The following MGMT variants were observed in gnomAD, a reference collection of about 807,000 sequenced individuals.
The protein encoded by MGMT is O-6-methylguanine-DNA methyltransferase, also known as methylated-DNA--protein-cysteine methyltransferase.
In MGMT, 14 loss-of-function variants were observed where a neutral mutation model predicts 15.9. That is an observed-to-expected ratio of 0.88 (90% CI 0.58 to 1.37). The LOEUF (loss-of-function observed/expected upper bound fraction) is 1.37, where lower values mean the gene tolerates loss of function less well. Among genes scored for constraint, MGMT ranks in the 40% most tolerant of loss-of-function variants. The pLI is 0.00. For synonymous variants in MGMT, 130 were observed against 118.2 expected (o/e 1.10, Z -0.65); for missense variants, 282 against 268.1 (o/e 1.05, Z -0.36).
At chr10:129,536,719 G>T (rs971029119) in intron 2 of MGMT, 7 of 178,500 alleles carry the variant, frequency 3.9e-5, no homozygotes, top group Non-Finnish European at 8.1e-5. Flanking sequence ...TATGTCTCTG[G>T]AAATTTAGAG....
chr10:129,594,983 G>A (rs1259148154), intron 2 of MGMT, among the ~76,000 whole-genome samples: 3 of 152,168 alleles, frequency 2.0e-5, no homozygotes, highest in African/African-American at 2.4e-5. Flanking sequence ...GAGGGGAGCC[G>A]GAGCAGCGCC....
At chr10:129,731,079 A>T (rs1388891225) in intron 3 of MGMT, among the ~76,000 whole-genome samples, 2 of 152,136 alleles carry the variant, frequency 1.3e-5, no homozygotes, top group African/African-American at 4.8e-5. Context: ...AGCCAGGAGG[A>T]AGGTCCATTT....
intron 3 of MGMT, among the ~76,000 whole-genome samples, chr10:129,738,765 A>G (rs1022715017): frequency 6.6e-6 from 1 of 152,198 alleles, no homozygotes; most frequent in Non-Finnish European, 1.5e-5. Flanking sequence ...AACTATTCCA[A>G]TGAATAGAAA....
At chr10:129,528,127 T>G (rs1204189705) in intron 1 of MGMT, among the ~76,000 whole-genome samples, 2 of 152,168 alleles carry the variant, frequency 1.3e-5, no homozygotes, top group African/African-American at 4.8e-5. Flanking sequence ...GATATTTTGT[T>G]CAACATATAT....
In MGMT at chr10:129,642,309, TG is replaced by T. The variant is rs548879966; in HGVS notation, c.126-65581del. ...GACAGTCCCATTGCCCCAGAAACAG[TG>T]GGGGAGCTTCTAAGTAAATCCAGGT... On this transcript the variant is annotated intron_variant, in intron 2 of 4. Coordinates refer to ENST00000651593, the MANE Select transcript of MGMT (RefSeq NM_002412.5). Among the ~76,000 whole-genome samples the T allele has an allele frequency of 1.1e-3, 169 of 152,114 alleles. 1 individual carries two copies. The highest frequency in any genetic ancestry group is 3.7e-3 in the African/African-American group (155 of 41,494).
chr10:129,667,992 G>A (rs1335822808), intron 2 of MGMT, among the ~76,000 whole-genome samples: 1 of 152,032 alleles, frequency 6.6e-6, no homozygotes, highest in African/African-American at 2.4e-5. Flanking sequence ...ATCCTTTGCT[G>A]GCCATATATG....
intron 2 of MGMT, among the ~76,000 whole-genome samples, chr10:129,569,105 G>A (rs1481387109): frequency 2.6e-5 from 4 of 152,160 alleles, no homozygotes; most frequent in South Asian, 2.1e-4. Flanking sequence ...ACTCCGGCTC[G>A]GCCACTTACG....
At chr10:129,709,618 G>A (rs1387020026) in intron 3 of MGMT, among the ~76,000 whole-genome samples, 1 of 152,144 alleles carries the variant, frequency 6.6e-6, no homozygotes, top group Non-Finnish European at 1.5e-5. Flanking sequence ...ACAAAACCAG[G>A]GCAGGAGGTA....
intron 2 of MGMT, among the ~76,000 whole-genome samples, chr10:129,568,638 A>G (rs1049036805): frequency 4.6e-5 from 7 of 152,178 alleles, no homozygotes; most frequent in African/African-American, 1.7e-4. Flanking sequence ...AAGGTAAAAT[A>G]TCTTTTAAAG....
At position 129,737,909 on chromosome 10, in the gene MGMT, G is replaced by A. The variant is rs562878913; in HGVS notation, c.275-21293G>A. Among the ~76,000 whole-genome samples the A allele has an allele frequency of 1.6e-4, 24 of 152,306 alleles. No individual in the cohort carries two copies. The South Asian group carries it at 3.7e-3, about 24-fold the overall frequency. Reference sequence around the variant, plus strand: ...ACCCACTTGAGGAGGCAGTCTGCCCGTTCTCAGATCTGTAGCTGCGTGCTG... The same window carrying A: ...ACCCACTTGAGGAGGCAGTCTGCCCATTCTCAGATCTGTAGCTGCGTGCTG... On this transcript the variant is annotated intron_variant, in intron 3 of 4. Coordinates refer to ENST00000651593, the MANE Select transcript of MGMT (RefSeq NM_002412.5).
intron 3 of MGMT, among the ~76,000 whole-genome samples, chr10:129,742,834 C>T (rs550214846): frequency 4.6e-5 from 7 of 150,928 alleles, no homozygotes; most frequent in East Asian, 2.0e-4. Flanking sequence ...AGGGCCGGGG[C>T]GTTCAGCAGT....
intron 2 of MGMT, among the ~76,000 whole-genome samples, chr10:129,574,604 A>G (rs957971852): frequency 7.2e-5 from 11 of 152,170 alleles, no homozygotes; most frequent in African/African-American, 2.7e-4. Flanking sequence ...CCTGGGTTCA[A>G]TATTAGCTCT....
chr10:129,587,940 G>A (rs913292380), intron 2 of MGMT, among the ~76,000 whole-genome samples: 1 of 152,124 alleles, frequency 6.6e-6, no homozygotes, highest in Admixed American at 6.5e-5. Flanking sequence ...CTGGCTGGGT[G>A]CTAGGTTATT....
At chr10:129,684,347 T>G (rs1847883308) in intron 2 of MGMT, among the ~76,000 whole-genome samples, 1 of 152,198 alleles carries the variant, frequency 6.6e-6, no homozygotes, top group Non-Finnish European at 1.5e-5. Context: ...TAGTTCCACA[T>G]TAATTGGGGA....
chr10:129,474,167 A>G (rs900409777), intron 1 of MGMT, among the ~76,000 whole-genome samples: 3 of 152,242 alleles, frequency 2.0e-5, no homozygotes, highest in African/African-American at 7.2e-5. Flanking sequence ...AGAGCTAGCC[A>G]GTGGGGCCAG....
chr10:129,724,868 AAAG>A (rs2133157516), intron 3 of MGMT, among the ~76,000 whole-genome samples: 1 of 152,246 alleles, frequency 6.6e-6, no homozygotes, highest in South Asian at 2.1e-4. Context: ...AATTTGGGGG[AAAG>A]ATCATGAAAA....
At chr10:129,499,274 T>C (rs947732808) in intron 1 of MGMT, among the ~76,000 whole-genome samples, 1 of 152,214 alleles carries the variant, frequency 6.6e-6, no homozygotes, top group Non-Finnish European at 1.5e-5. Flanking sequence ...GTTAGGAATA[T>C]AGGGTTGACA....
At chr10:129,760,637 G>A (rs541350805) in intron 4 of MGMT, among the ~76,000 whole-genome samples, 1 of 152,378 alleles carries the variant, frequency 6.6e-6, no homozygotes, top group Admixed American at 6.5e-5. Flanking sequence ...GTTTCTAGGA[G>A]ATGACAGTTA....
At chr10:129,590,817 G>A (rs1402327174) in intron 2 of MGMT, among the ~76,000 whole-genome samples, 4 of 152,160 alleles carry the variant, frequency 2.6e-5, no homozygotes, top group African/African-American at 9.7e-5. Flanking sequence ...TTATTACCGA[G>A]GGGGACCCCT....
Sources: allele counts gnomAD v4.1 joint callset (sites outside exome capture counted in the v4.1 genomes callset), GRCh38; gene constraint gnomAD v4.1.1; transcripts MANE v1.5; gene names NCBI Gene and HGNC (gene_info 2026-07-23, HGNC 2026-07-21).